MECOM: variants seen among roughly 807,000 people sequenced by gnomAD.
MECOM encodes MDS1 and EVI1 complex locus, also known as histone-lysine N-methyltransferase MECOM.
In MECOM, 13 loss-of-function variants were observed where a neutral mutation model predicts 116.3. The observed-to-expected ratio is 0.11, with a 90% CI of 0.07 to 0.18. The LOEUF is 0.18. Among genes scored for constraint, MECOM ranks in the 10% least tolerant of loss-of-function variants. The pLI, the probability that MECOM is intolerant of heterozygous loss-of-function variation, is 1.00. For synonymous variants in MECOM, 528 were observed against 535.2 expected (o/e 0.99, Z 0.19); for missense variants, 1,299 against 1,509.0 (o/e 0.86, Z 2.31).
chr3:169,554,180 C>T (rs758091812), intron 1 of MECOM, among the ~76,000 whole-genome samples: 2 of 152,088 alleles, frequency 1.3e-5, no homozygotes, highest in Non-Finnish European at 2.9e-5. Flanking sequence ...TATTGACCCC[C>T]GTGATGATGT....
At chr3:169,119,565 A>G (rs975297455) in intron 7 of MECOM, among the ~76,000 whole-genome samples, 8 of 152,212 alleles carry the variant, frequency 5.3e-5, no homozygotes, top group Non-Finnish European at 7.3e-5. Flanking sequence ...ATTTTAAATA[A>G]TAGAGAAAGC....
intron 2 of MECOM, among the ~76,000 whole-genome samples, chr3:169,280,149 C>T (rs915830558): frequency 2.0e-5 from 3 of 152,166 alleles, no homozygotes; most frequent in Admixed American, 6.6e-5. Context: ...GAACATGCCA[C>T]GGGATGAGGC....
At chr3:169,222,645 G>A (rs763339355) in intron 2 of MECOM, among the ~76,000 whole-genome samples, 5 of 152,172 alleles carry the variant, frequency 3.3e-5, no homozygotes, top group Non-Finnish European at 7.3e-5. Flanking sequence ...CTCCCCAGAT[G>A]TCTGAAACGC....
At chr3:169,156,454 A>T (rs1035325654) in intron 2 of MECOM, among the ~76,000 whole-genome samples, 5 of 151,972 alleles carry the variant, frequency 3.3e-5, no homozygotes, top group African/African-American at 7.2e-5. Flanking sequence ...AACTCTTGAT[A>T]AAAAAAAGTC....
At chr3:169,630,981 T>A (rs1330423656) in intron 1 of MECOM, among the ~76,000 whole-genome samples, 1 of 152,204 alleles carries the variant, frequency 6.6e-6, no homozygotes, top group Admixed American at 6.5e-5. Context: ...TCCATCCCCA[T>A]GTAGAGATAA....
chr3:169,568,140 C>T (rs1026542718), intron 1 of MECOM, among the ~76,000 whole-genome samples: 7 of 152,222 alleles, frequency 4.6e-5, no homozygotes, highest in Admixed American at 6.5e-5. Context: ...CTTCTCTAGC[C>T]GACAGAAGCC....
intron 1 of MECOM, among the ~76,000 whole-genome samples, chr3:169,623,200 G>A (rs75059189): frequency 0.018 from 2,789 of 152,194 alleles, 85 homozygotes; most frequent in African/African-American, 0.064. Context: ...TTGAACCTAC[G>A]TAATCTGCAT....
intron 2 of MECOM, among the ~76,000 whole-genome samples, chr3:169,254,525 TAAC>T (rs1756631876): frequency 6.6e-6 from 1 of 152,162 alleles, no homozygotes; most frequent in Non-Finnish European, 1.5e-5. Flanking sequence ...TTTACTATCT[TAAC>T]AAACCATTTT....
intron 1 of MECOM, among the ~76,000 whole-genome samples, chr3:169,450,638 G>A (rs895354813): frequency 6.6e-6 from 1 of 151,856 alleles, no homozygotes; most frequent in Non-Finnish European, 1.5e-5. Context: ...GAGTAGTCAC[G>A]CTGTGTTCTC....
chr3:169,511,815 G>A (rs1220743008), intron 1 of MECOM, among the ~76,000 whole-genome samples: 1 of 151,786 alleles, frequency 6.6e-6, no homozygotes, highest in Non-Finnish European at 1.5e-5. Flanking sequence ...TATTCTTACA[G>A]AAGCTGACAT....
At chr3:169,598,113 C>A (rs1223172614) in intron 1 of MECOM, among the ~76,000 whole-genome samples, 1 of 152,086 alleles carries the variant, frequency 6.6e-6, no homozygotes, top group Non-Finnish European at 1.5e-5. Context: ...ATAAGTTTTA[C>A]CAGGATGAAA....
chr3:169,505,609 A>G (rs1755113030), intron 1 of MECOM, among the ~76,000 whole-genome samples: 1 of 152,232 alleles, frequency 6.6e-6, no homozygotes, highest in Non-Finnish European at 1.5e-5. Context: ...CTACATTCTT[A>G]AGAAAATTTC....
chr3:169,662,345 GC>G (rs1391050401), intron 1 of MECOM, among the ~76,000 whole-genome samples: 1 of 152,152 alleles, frequency 6.6e-6, no homozygotes, highest in African/African-American at 2.4e-5. Context: ...CTGGCAGCCC[GC>G]CCCCTGGGGT....
intron 1 of MECOM, among the ~76,000 whole-genome samples, chr3:169,532,814 G>A (rs1004792587): frequency 1.3e-5 from 2 of 150,834 alleles, no homozygotes; most frequent in African/African-American, 4.9e-5. Flanking sequence ...AGTGCAATTA[G>A]GACAGTCATT....
At chr3:169,374,487 C>G (rs547375585) in intron 2 of MECOM, among the ~76,000 whole-genome samples, 1 of 151,888 alleles carries the variant, frequency 6.6e-6, no homozygotes, top group African/African-American at 2.4e-5. Flanking sequence ...GGAGAATACA[C>G]CTTTGCAAGC....
intron 8 of MECOM, among the ~76,000 whole-genome samples, chr3:169,113,115 A>G (rs1271671009): frequency 6.6e-6 from 1 of 152,144 alleles, no homozygotes; most frequent in Non-Finnish European, 1.5e-5. Flanking sequence ...GAATAGGAAT[A>G]ACGAGAAAAC....
At chr3:169,629,508 A>T (rs997044222) in intron 1 of MECOM, among the ~76,000 whole-genome samples, 5 of 152,148 alleles carry the variant, frequency 3.3e-5, no homozygotes, top group African/African-American at 1.2e-4. Context: ...TTACTCAGTT[A>T]ATACTAAATA....
At chr3:169,490,753 A>G (rs1265408269) in intron 1 of MECOM, among the ~76,000 whole-genome samples, 1 of 152,162 alleles carries the variant, frequency 6.6e-6, no homozygotes, top group Non-Finnish European at 1.5e-5. Flanking sequence ...AACAGAAAGG[A>G]GGGGTGGGCC....
intron 13 of MECOM, 45 bp downstream of exon 13, chr3:169,095,031 C>A (rs182585574): frequency 7.0e-7 from 1 of 1,434,482 alleles, no homozygotes; most frequent in African/African-American, 1.4e-5. Context: ...TTTTAAAACA[C>A]GAAAAAGAAG....
Sources: gnomAD v4.1 joint callset for allele counts (sites outside exome capture counted in the v4.1 genomes callset) on GRCh38, gnomAD v4.1.1 for gene constraint, MANE v1.5 for transcripts, NCBI Gene and HGNC (gene_info 2026-07-23, HGNC 2026-07-21) for gene names.